UNC119: variants seen among roughly 807,000 people sequenced by gnomAD.
UNC119 encodes the protein protein unc-119 homolog A.
In UNC119, 15 loss-of-function variants were observed where a neutral mutation model predicts 22.6. That is an observed-to-expected ratio of 0.66 (90% CI 0.44 to 1.02). The LOEUF is 1.02. Ranked by LOEUF, UNC119 falls within the 50% of genes least tolerant of loss-of-function variation. The pLI, the probability that UNC119 is intolerant of heterozygous loss-of-function variation, is 0.00. For missense variants in UNC119, 322 were observed against 336.0 expected (o/e 0.96, Z 0.33); for synonymous variants, 138 against 139.4 (o/e 0.99, Z 0.07).
At position 28,547,292 on chromosome 17, in the gene UNC119, T is replaced by G. The variant is rs776603763; in HGVS notation, c.*5A>C. ...GAGCCTCCTGGGGTCAGGGCAGCCG[T>G]GGGGTCAGGGTGTCCCGCTGTAGGA... On this transcript the variant is annotated 3_prime_UTR_variant, in exon 5 of 5. Coordinates refer to ENST00000335765, the MANE Select transcript of UNC119 (RefSeq NM_005148.4). 6.2e-7 allele frequency: 1 copy of G among 1,614,010 alleles called. No homozygotes were observed. Among genetic ancestry groups the G allele is most frequent in the East Asian group, 2.2e-5 (1 of 44,882 alleles).
rs770458721 is a variant in UNC119 at position 28,547,977 on chromosome 17, C to T, written c.437+22G>A. Reference sequence around the variant, plus strand: ...ACACCCTCTCCCTCACCCCCACCACCACCCATAGCCCAGCGACTCACGTGG... The same window carrying T: ...ACACCCTCTCCCTCACCCCCACCACTACCCATAGCCCAGCGACTCACGTGG... On this transcript the variant is annotated intron_variant, in intron 3 of 4. Coordinates refer to ENST00000335765, the MANE Select transcript of UNC119 (RefSeq NM_005148.4). 5.0e-6 allele frequency: 8 copies of T among 1,613,688 alleles called. No homozygotes were observed. The African/African-American group carries it at 5.3e-5, about 11-fold the overall frequency.
chr17:28,547,101 C>T lies in UNC119; in HGVS notation c.*196G>A, dbSNP rs2070213204. Reference sequence around the variant, plus strand: ...GGCAAACAGCCTCCCTACGACCCCACCCCATGTAGCAGGCCGCATGGGCTT... The same window carrying T: ...GGCAAACAGCCTCCCTACGACCCCATCCCATGTAGCAGGCCGCATGGGCTT... On this transcript the variant is annotated 3_prime_UTR_variant, in exon 5 of 5. Transcript: ENST00000335765. 1.5e-6 allele frequency: 1 copy of T among 653,072 alleles called. No homozygotes were observed. Among genetic ancestry groups the T allele is most frequent in the South Asian group, 1.7e-5 (1 of 59,208 alleles). The allele number at this position is 653,072 out of a possible 1,614,324, so 40.5% of individuals were successfully genotyped here.
At chr17:28,550,421 C>T (rs918495807) in intron 1 of UNC119, 1 of 152,184 alleles carries the variant, frequency 6.6e-6, no homozygotes, top group Admixed American at 6.5e-5. Flanking sequence ...AATCTATCAA[C>T]CTCTCTGTCC....
intron 1 of UNC119, chr17:28,552,004 T>C: frequency 3.8e-6 from 2 of 523,430 alleles, no homozygotes; most frequent in South Asian, 3.2e-5. Flanking sequence ...GGGACGGGCC[T>C]CAAAGCGCTC....
chr17:28,547,824 G>A lies in UNC119; in HGVS notation c.463C>T (p.Pro155Ser). Residue 155 changes from proline to serine, a missense_variant, in exon 4 of 5, where the codon CCT (proline) becomes TCT (serine). Transcript: ENST00000335765. ...TCGATCATGCGGAAGTTGTTGACAG[G>A]CTTGTCTCCCACTGTGAACTCCACC... is the stretch of plus-strand genomic sequence containing the variant. ...ATVEFTVGDK[P>S]VNNFRMIERH... is the part of the protein sequence containing the mutation. The A allele has an allele frequency of 6.2e-7, 1 of 1,614,186 alleles. No homozygotes were observed. Among genetic ancestry groups the A allele is most frequent in the Non-Finnish European group, 8.5e-7 (1 of 1,180,026 alleles).
chr17:28,551,872 G>A (rs1207904512), intron 1 of UNC119: 1 of 284,858 alleles, frequency 3.5e-6, no homozygotes, highest in Non-Finnish European at 7.3e-6. Context: ...ATCAGGGTGA[G>A]GGTATTAATG....
At chr17:28,548,563 C>G (rs967771618) in intron 2 of UNC119, 29 bp downstream of exon 2, 1 of 1,589,948 alleles carries the variant, frequency 6.3e-7, no homozygotes, top group African/African-American at 1.3e-5. Context: ...TATCTGCCTC[C>G]CCATCAATGG....
chr17:28,549,243 G>A (rs1017131026), intron 1 of UNC119: 1 of 156,472 alleles, frequency 6.4e-6, no homozygotes, highest in African/African-American at 2.4e-5. Flanking sequence ...GTCCTTCTCT[G>A]GAGGATACTC....
At chr17:28,551,841 T>G in intron 1 of UNC119, 1 of 223,464 alleles carries the variant, frequency 4.5e-6, no homozygotes, top group Non-Finnish European at 9.6e-6. Flanking sequence ...GGGAAGAAAA[T>G]GGCCCAAGTC....
In UNC119 at chr17:28,548,694, A is replaced by G. The variant is rs2070239676; in HGVS notation, c.232T>C (p.Ser78Pro). The G allele has an allele frequency of 6.2e-7, 1 of 1,613,782 alleles. No individual in the cohort carries two copies. Among genetic ancestry groups the G allele is most frequent in the Non-Finnish European group, 8.5e-7 (1 of 1,179,756 alleles). ...ATCTTGTAGATATTCTCCTCAGGGG[A>G]GCAGAGGTAGTCTAGGGGAAACAGG... ...LQRITGDYLC[S>P]PEENIYKIDF... Residue 78 changes from serine to proline, a missense_variant, in exon 2 of 5, where the codon TCC (serine) becomes CCC (proline). Ser to Pro is a moderately conservative substitution (Grantham distance 74). Transcript: ENST00000335765.
Position 28,548,697 on chromosome 17 carries a change from A to T in UNC119, c.229T>A (p.Cys77Ser), listed in dbSNP as rs777555977. The change falls in exon 2 of 5, where the codon TGC (cysteine) becomes AGC (serine). Residue 77 changes from cysteine (C) to serine (S), a missense_variant. Transcript: ENST00000335765. ...TTGTAGATATTCTCCTCAGGGGAGC[A>T]GAGGTAGTCTAGGGGAAACAGGCAG... ...GLQRITGDYL[C>S]SPEENIYKID... The T allele has an allele frequency of 2.5e-6, 4 of 1,613,922 alleles. No homozygotes were observed. Among genetic ancestry groups the T allele is most frequent in the Non-Finnish European group, 3.4e-6 (4 of 1,179,828 alleles).
intron 1 of UNC119, 116 bp from the exon 2 acceptor site, chr17:28,548,821 TGGAA>T: frequency 1.0e-5 from 8 of 788,526 alleles, no homozygotes; most frequent in Non-Finnish European, 1.3e-5. Flanking sequence ...CACTGCCCTC[TGGAA>T]AGAGGGACCT....
chr17:28,547,375 C>A lies in UNC119; in HGVS notation c.645G>T (p.Gln215His). The change falls in exon 5 of 5, where the codon CAG (glutamine) becomes CAT (histidine). Residue 215 changes from glutamine (Q) to histidine (H), a missense_variant. Physicochemically the swap from Gln to His is conservative, Grantham distance 24 (BLOSUM62 0). Transcript: ENST00000335765. Reference protein sequence around the residue: ...SEMIRHPYETQSDSFYFVDDR... With the variant: ...SEMIRHPYETHSDSFYFVDDR... ...CATCCACGAAGTAGAAGCTGTCAGA[C>A]TGGGTCTCATACGGGTGGCGGATCA... 1 of 1,614,240 alleles carries A rather than the reference C, an allele frequency of 6.2e-7. No homozygotes were observed. The highest frequency in any genetic ancestry group is 8.5e-7 in the Non-Finnish European group (1 of 1,180,032).
In UNC119 at chr17:28,548,716, C is replaced by T. The variant is rs746753878; in HGVS notation, c.221-11G>A. 2 of 1,610,956 alleles carry T rather than the reference C, an allele frequency of 1.2e-6. No individual in the cohort carries two copies. The highest frequency in any genetic ancestry group is 2.2e-5 in the South Asian group (2 of 91,008). On this transcript the variant is annotated splice_polypyrimidine_tract_variant and intron_variant, in intron 1 of 4. Transcript: ENST00000335765. ...GGGAGCAGAGGTAGTCTAGGGGAAA[C>T]AGGCAGCTGAGCAAGGAAGGGGCCG...
chr17:28,552,375 C>A lies in UNC119; in HGVS notation c.183G>T (p.Gly61=). Residue 61 remains glycine (G), a synonymous_variant, in exon 1 of 5, where the codon GGG becomes GGT. Coordinates refer to ENST00000335765, the MANE Select transcript of UNC119 (RefSeq NM_005148.4). ...PGPLQRKQPI[G]PEDVLGLQRI... is the part of the protein sequence containing the mutation. ...GCTGCAGCCCCAGCACGTCCTCCGG[C>A]CCGATCGGCTGCTTCCTCTGCAGCG... 1 of 1,546,480 alleles carries A rather than the reference C, an allele frequency of 6.5e-7. No homozygotes were observed. Among genetic ancestry groups the A allele is most frequent in the Non-Finnish European group, 8.7e-7 (1 of 1,153,172 alleles).
At position 28,552,382 on chromosome 17, in the gene UNC119, G is replaced by A; in HGVS notation, c.176C>T (p.Pro59Leu). 6.5e-7 allele frequency: 1 copy of A among 1,549,704 alleles called. No homozygotes were observed. Among genetic ancestry groups the A allele is most frequent in the Non-Finnish European group, 8.7e-7 (1 of 1,154,998 alleles). Reference sequence around the variant, plus strand: ...CCCCAGCACGTCCTCCGGCCCGATCGGCTGCTTCCTCTGCAGCGGCCCCGG... The same window carrying A: ...CCCCAGCACGTCCTCCGGCCCGATCAGCTGCTTCCTCTGCAGCGGCCCCGG... ...PRPGPLQRKQ[P>L]IGPEDVLGLQ... The change falls in exon 1 of 5, where the codon CCG becomes CTG. Residue 59 changes from proline (P) to leucine (L), a missense_variant. Coordinates refer to ENST00000335765, the MANE Select transcript of UNC119 (RefSeq NM_005148.4).
At position 28,552,524 on chromosome 17, in the gene UNC119, T is replaced by A; in HGVS notation, c.34A>T (p.Thr12Ser). ...KVKKGGGGAG[T>S]ATESAPGPSG... ...GGCCCCGGAGCGGACTCCGTCGCCGTCCCGGCCCCACCGCCGCCCTTCTTC... is the reference window on the plus strand; with the variant it reads ...GGCCCCGGAGCGGACTCCGTCGCCGACCCGGCCCCACCGCCGCCCTTCTTC... The change falls in exon 1 of 5, where the codon ACG (threonine) becomes TCG (serine). Residue 12 changes from threonine (T) to serine (S), a missense_variant. Thr to Ser is a moderately conservative substitution (Grantham distance 58). Transcript: ENST00000335765. The A allele has an allele frequency of 6.5e-7, 1 of 1,549,152 alleles. No individual in the cohort carries two copies.
intron 2 of UNC119, 141 bp downstream of exon 2, chr17:28,548,451 C>G: frequency 1.4e-6 from 1 of 693,888 alleles, no homozygotes; most frequent in South Asian, 1.8e-5. Context: ...AAAGAAAGGG[C>G]CCCCCTGCCT....
At chr17:28,548,417 A>G (rs2070235326) in intron 2 of UNC119, among the ~76,000 whole-genome samples, 175 bp downstream of exon 2, 1 of 152,206 alleles carries the variant, frequency 6.6e-6, no homozygotes, top group Non-Finnish European at 1.5e-5. Flanking sequence ...CAAGATGTCC[A>G]GCCTCAGAAA....
Sources: gnomAD v4.1 joint callset for allele counts (sites outside exome capture counted in the v4.1 genomes callset) on GRCh38, gnomAD v4.1.1 for gene constraint, MANE v1.5 for transcripts, NCBI Gene and HGNC (gene_info 2026-07-23, HGNC 2026-07-21) for gene names.